The following LCP1 variants were observed in gnomAD, a reference collection of about 807,000 sequenced individuals.
LCP1 encodes the protein lymphocyte cytosolic protein 1.
In LCP1, 23 loss-of-function variants were observed where a neutral mutation model predicts 72.0. The observed-to-expected ratio is 0.32, with a 90% CI of 0.23 to 0.45. The LOEUF is 0.45. Ranked by LOEUF, LCP1 falls within the 20% of genes least tolerant of loss-of-function variation. The pLI is 1.00. For synonymous variants in LCP1, 245 were observed against 275.4 expected (o/e 0.89, Z 1.09); for missense variants, 571 against 748.3 (o/e 0.76, Z 2.76).
intron 1 of LCP1, among the ~76,000 whole-genome samples, chr13:46,166,073 C>T (rs1473087255): frequency 1.3e-5 from 2 of 151,992 alleles, no homozygotes; most frequent in African/African-American, 4.8e-5. Context: ...AAGTCAGTAG[C>T]GAAGGGAATT....
rs774598663 is a variant in LCP1 at position 46,142,398 on chromosome 13, A to G, written c.1396T>C (p.Leu466=). 20 of 1,613,960 alleles carry G rather than the reference A, an allele frequency of 1.2e-5. No individual in the cohort carries two copies. Among genetic ancestry groups the G allele is most frequent in the Non-Finnish European group, 1.7e-5 (20 of 1,179,874 alleles). The change falls in exon 13 of 16, where the codon TTG becomes CTG. Residue 466 remains leucine (L), a synonymous_variant. Transcript: ENST00000323076. ...KLENCNYAVE[L]GKNQAKFSLV... ...GAGAACTTCGCTTGATTCTTCCCCAATTCTACCGCGTAGTTACAATTCTCA... is the reference window on the plus strand; with the variant it reads ...GAGAACTTCGCTTGATTCTTCCCCAGTTCTACCGCGTAGTTACAATTCTCA...
intron 13 of LCP1, among the ~76,000 whole-genome samples, chr13:46,138,248 C>T (rs1343011593): frequency 6.6e-6 from 1 of 152,144 alleles, no homozygotes; most frequent in African/African-American, 2.4e-5. Context: ...CATTTATTGT[C>T]CAGATAAATG....
intron 1 of LCP1, among the ~76,000 whole-genome samples, chr13:46,174,530 G>C (rs2045918877): frequency 6.6e-6 from 1 of 152,082 alleles, no homozygotes; most frequent in Non-Finnish European, 1.5e-5. Flanking sequence ...GGAGACTTGG[G>C]ATCTCTTCCT....
intron 6 of LCP1, 181 bp from the exon 7 acceptor site, chr13:46,153,126 C>T (rs990392479): frequency 3.5e-6 from 2 of 572,358 alleles, no homozygotes; most frequent in Non-Finnish European, 6.0e-6. Flanking sequence ...AATCCAGTAA[C>T]CCAGACACCG....
intron 10 of LCP1, among the ~76,000 whole-genome samples, chr13:46,145,334 G>A (rs568986688): frequency 6.6e-6 from 1 of 152,270 alleles, no homozygotes; most frequent in African/African-American, 2.4e-5. Context: ...ATTAAACACG[G>A]CAGAGGACAG....
intron 1 of LCP1, among the ~76,000 whole-genome samples, chr13:46,179,790 AG>A (rs1383399924): frequency 6.6e-6 from 1 of 152,056 alleles, no homozygotes; most frequent in Non-Finnish European, 1.5e-5. Flanking sequence ...AACAGAAGGA[AG>A]TGACAAGAAA....
At chr13:46,143,833 A>C (rs983734927) in intron 11 of LCP1, among the ~76,000 whole-genome samples, 1 of 152,216 alleles carries the variant, frequency 6.6e-6, no homozygotes, top group East Asian at 1.9e-4. Flanking sequence ...TTGGGAGACC[A>C]AGGCGGGTGG....
At chr13:46,162,278 C>T (rs1166873247) in intron 1 of LCP1, among the ~76,000 whole-genome samples, 10 of 124,402 alleles carry the variant, frequency 8.0e-5, no homozygotes, top group African/African-American at 2.5e-4. Flanking sequence ...TCCCCCTCCC[C>T]CTCCCTCTCC....
chr13:46,138,872 C>A (rs961390767), intron 13 of LCP1, among the ~76,000 whole-genome samples: 1 of 152,154 alleles, frequency 6.6e-6, no homozygotes, highest in Admixed American at 6.5e-5. Context: ...GTCTCAAACT[C>A]CCGACCTCAG....
intron 1 of LCP1, among the ~76,000 whole-genome samples, chr13:46,178,187 A>G (rs2045940736): frequency 6.6e-6 from 1 of 152,242 alleles, no homozygotes; most frequent in African/African-American, 2.4e-5. Context: ...AAATGCTTTC[A>G]TAGGGTTAAA....
Position 46,126,600 on chromosome 13 carries a change from G to A in LCP1, c.*991C>T, listed in dbSNP as rs769118264. 36 of 231,694 alleles carry A rather than the reference G, an allele frequency of 1.6e-4. No individual in the cohort carries two copies. Among genetic ancestry groups the A allele is most frequent in the Non-Finnish European group, 2.7e-4 (32 of 116,934 alleles). The allele number at this position is 231,694 out of a possible 1,614,324, so 14.4% of individuals were successfully genotyped here. ...GCCTGACAACAATCAGATATGCTAA[G>A]CTCTAGAAGCAAAAGCAAGGTAGGA... On this transcript the variant is annotated 3_prime_UTR_variant, in exon 16 of 16. Transcript: ENST00000323076.
chr13:46,127,296 A>G lies in LCP1; in HGVS notation c.*295T>C, dbSNP rs528925497. 1 of 320,898 alleles carries G rather than the reference A, an allele frequency of 3.1e-6. No homozygotes were observed. The allele number at this position is 320,898 out of a possible 1,614,324, so 19.9% of individuals were successfully genotyped here. A position where few individuals can be genotyped will look rare whatever the true frequency, so the allele number is the denominator to read the frequency against. ...CCACTGCAGCTTCTATCCTTGGCTA[A>G]TGGCAAAAGCGAGAAGGGTACCTGG... On this transcript the variant is annotated 3_prime_UTR_variant, in exon 16 of 16. Coordinates refer to ENST00000323076, the MANE Select transcript of LCP1 (RefSeq NM_002298.5).
At chr13:46,130,307 C>G (rs1003837480) in intron 15 of LCP1, among the ~76,000 whole-genome samples, 2 of 152,188 alleles carry the variant, frequency 1.3e-5, no homozygotes, top group African/African-American at 2.4e-5. Flanking sequence ...TGAATAGGCT[C>G]TGTTTCAATA....
At chr13:46,145,627 A>AAATG (rs774045993) in intron 10 of LCP1, among the ~76,000 whole-genome samples, 3 of 135,206 alleles carry the variant, frequency 2.2e-5, no homozygotes, top group Admixed American at 7.6e-5. Context: ...AAAAGAGGGC[A>AAATG]GGCCGGGCGC....
intron 13 of LCP1, among the ~76,000 whole-genome samples, chr13:46,140,773 C>A (rs2045692671): frequency 6.6e-6 from 1 of 152,032 alleles, no homozygotes; most frequent in Admixed American, 6.5e-5. Context: ...AAAAATGACT[C>A]AAAATTTCTA....
chr13:46,142,589 T>G (rs2138233764), intron 12 of LCP1, 164 bp from the exon 13 acceptor site: 1 of 733,376 alleles, frequency 1.4e-6, no homozygotes, highest in Admixed American at 2.8e-5. Flanking sequence ...AATTAAAGAA[T>G]TTTCCATCTG....
At chr13:46,140,033 G>A (rs1380727988) in intron 13 of LCP1, among the ~76,000 whole-genome samples, 1 of 152,148 alleles carries the variant, frequency 6.6e-6, no homozygotes, top group Non-Finnish European at 1.5e-5. Context: ...GATTTTTCCA[G>A]CATGGAAAAA....
At position 46,156,429 on chromosome 13, in the gene LCP1, A is replaced by G; in HGVS notation, c.491+9T>C. ...ATTCTTTGGAAACCAAGAAAGAAGT[A>G]TTATTTACCAAAGGACAATGCCATC... On this transcript the variant is annotated intron_variant, in intron 5 of 15. Coordinates refer to ENST00000323076, the MANE Select transcript of LCP1 (RefSeq NM_002298.5). 1 of 1,610,488 alleles carries G rather than the reference A, an allele frequency of 6.2e-7. No homozygotes were observed. The highest frequency in any genetic ancestry group is 8.5e-7 in the Non-Finnish European group (1 of 1,177,998).
chr13:46,148,066 G>A (rs902346781), intron 9 of LCP1, among the ~76,000 whole-genome samples: 2 of 152,230 alleles, frequency 1.3e-5, no homozygotes, highest in African/African-American at 4.8e-5. Flanking sequence ...ATAACATTCA[G>A]ACCCATGTGG....
Sources: allele counts gnomAD v4.1 joint callset (sites outside exome capture counted in the v4.1 genomes callset), GRCh38; gene constraint gnomAD v4.1.1; transcripts MANE v1.5; gene names NCBI Gene and HGNC (gene_info 2026-07-23, HGNC 2026-07-21).